POC1A: variants seen among roughly 807,000 people sequenced by gnomAD.
POC1A encodes the protein POC1 centriolar protein A, also known as POC1 centriolar protein homolog A.
A neutral mutation model predicts 47.8 loss-of-function variants in POC1A; 34 were observed. The observed-to-expected ratio is 0.71, with a 90% confidence interval of 0.54 to 0.95. POC1A has a LOEUF of 0.95. Among genes scored for constraint, POC1A ranks in the 40% least tolerant of loss-of-function variants. POC1A has a pLI of 0.00. For synonymous variants in POC1A, 177 were observed against 207.6 expected (o/e 0.85, Z 1.27); for missense variants, 466 against 528.3 (o/e 0.88, Z 1.16).
At position 52,126,188 on chromosome 3, in the gene POC1A, A is replaced by G. The variant is rs577139742; in HGVS notation, c.814-1007T>C. Among the ~76,000 whole-genome samples the G allele has an allele frequency of 2.6e-4, 39 of 152,332 alleles. No homozygotes were observed. In the South Asian group the frequency reaches 6.4e-3, roughly 25 times the overall value. ...AGTGCAGGGAGCGGCAAGAGCCCCAACTGCCCATGAGATGGGCTCTGGCAG... is the reference window on the plus strand; with the variant it reads ...AGTGCAGGGAGCGGCAAGAGCCCCAGCTGCCCATGAGATGGGCTCTGGCAG... On this transcript the variant is annotated intron_variant, in intron 7 of 10. Coordinates refer to ENST00000296484, the MANE Select transcript of POC1A (RefSeq NM_015426.5).
At chr3:52,122,526 C>T in intron 8 of POC1A, 49 bp from the exon 9 acceptor site, 1 of 1,174,394 alleles carries the variant, frequency 8.5e-7, no homozygotes, top group South Asian at 1.2e-5. Flanking sequence ...AATCCCCTTG[C>T]CAGTCCTTCA....
At chr3:52,078,354 C>A (rs1477652161) in intron 10 of POC1A, among the ~76,000 whole-genome samples, 3 of 151,754 alleles carry the variant, frequency 2.0e-5, no homozygotes, top group Non-Finnish European at 2.9e-5. Flanking sequence ...CTGTCTGGCA[C>A]TCTTTGCTCC....
At chr3:52,125,333 G>A in intron 7 of POC1A, 152 bp from the exon 8 acceptor site, 1 of 636,852 alleles carries the variant, frequency 1.6e-6, no homozygotes, top group Non-Finnish European at 2.7e-6. Flanking sequence ...CTGTAGCCCA[G>A]GAGCCTGCCT....
At chr3:52,149,685 G>A (rs937941019) in intron 3 of POC1A, 131 bp downstream of exon 3, 2 of 877,402 alleles carry the variant, frequency 2.3e-6, no homozygotes, top group Non-Finnish European at 3.5e-6. Flanking sequence ...AGCCTCTGAT[G>A]GCACCTCTTC....
chr3:52,104,750 C>A (rs558659500), intron 9 of POC1A, among the ~76,000 whole-genome samples: 40 of 152,336 alleles, frequency 2.6e-4, no homozygotes, highest in African/African-American at 9.4e-4. Flanking sequence ...ATTCCCAAAG[C>A]CCCAGTTTCC....
In POC1A at chr3:52,146,903, CT is replaced by C. The variant is rs1698382016; in HGVS notation, c.563+84del. ...GCTGCTGGTCCCACGGCTCCAGCCACTGAAGGCCACTGGGCCTCCTCATGCC... is the reference window on the plus strand; with the variant it reads ...GCTGCTGGTCCCACGGCTCCAGCCACGAAGGCCACTGGGCCTCCTCATGCC... On this transcript the variant is annotated intron_variant, in intron 5 of 10. Transcript: ENST00000296484. 5.4e-6 allele frequency: 6 copies of C among 1,115,554 alleles called. No individual in the cohort carries two copies. In the Admixed American group the frequency reaches 1.0e-4, roughly 19 times the overall value. 69.1% of individuals were successfully genotyped at this position (1,115,554 alleles called of 1,614,324 possible).
intron 9 of POC1A, among the ~76,000 whole-genome samples, chr3:52,099,253 T>C (rs945334837): frequency 2.0e-5 from 3 of 152,168 alleles, no homozygotes; most frequent in Non-Finnish European, 2.9e-5. Flanking sequence ...CCCCAATGTC[T>C]GCACTGCAGC....
chr3:52,132,914 C>T (rs1480702332), intron 7 of POC1A, among the ~76,000 whole-genome samples: 3 of 151,910 alleles, frequency 2.0e-5, no homozygotes, highest in Non-Finnish European at 2.9e-5. Flanking sequence ...GGCATGGTGG[C>T]GTGCACGTGT....
intron 9 of POC1A, among the ~76,000 whole-genome samples, chr3:52,119,537 G>A (rs1435117011): frequency 6.6e-6 from 1 of 152,036 alleles, no homozygotes; most frequent in Non-Finnish European, 1.5e-5. Flanking sequence ...TAGGACTACA[G>A]GGGAGTGCCA....
rs574875689 is a variant in POC1A, at chr3:52,151,216, T to C, written c.19-116A>G. On this transcript the variant is annotated intron_variant, in intron 1 of 10. Coordinates refer to ENST00000296484, the MANE Select transcript of POC1A (RefSeq NM_015426.5). ...AGGGTTAAAAATGCTCAAGGCATGA[T>C]CTTATATAAAGAAAATCCTAAGGAA... The C allele has an allele frequency of 2.2e-5, 32 of 1,467,072 alleles. No individual in the cohort carries two copies. The East Asian group carries it at 7.8e-4, about 36-fold the overall frequency. The allele number at this position is 1,467,072 out of a possible 1,614,324, so 90.9% of individuals were successfully genotyped here.
chr3:52,125,371 G>C (rs2107106538), intron 7 of POC1A, among the ~76,000 whole-genome samples, 190 bp from the exon 8 acceptor site: 1 of 152,280 alleles, frequency 6.6e-6, no homozygotes, highest in South Asian at 2.1e-4. Context: ...CCACCGCTCA[G>C]GCTTCTGTTC....
At chr3:52,103,967 G>A (rs2107007513) in intron 9 of POC1A, among the ~76,000 whole-genome samples, 1 of 152,266 alleles carries the variant, frequency 6.6e-6, no homozygotes, top group East Asian at 1.9e-4. Flanking sequence ...CCTATTATAT[G>A]TCCCAGCCAT....
At chr3:52,117,093 C>A (rs1703592454) in intron 9 of POC1A, among the ~76,000 whole-genome samples, 1 of 151,686 alleles carries the variant, frequency 6.6e-6, no homozygotes, top group Non-Finnish European at 1.5e-5. Context: ...GAGGCTGAGG[C>A]ACAAGAATCT....
intron 10 of POC1A, among the ~76,000 whole-genome samples, chr3:52,087,058 G>A (rs148454711): frequency 6.2e-4 from 94 of 152,360 alleles, no homozygotes; most frequent in African/African-American, 2.1e-3. Context: ...TCACCCCAGC[G>A]TGGGTCTTGG....
intron 9 of POC1A, among the ~76,000 whole-genome samples, chr3:52,121,520 G>C (rs745900614): frequency 1.3e-5 from 2 of 152,212 alleles, no homozygotes; most frequent in Non-Finnish European, 2.9e-5. Flanking sequence ...TGGGGAGATG[G>C]AGGGTCTATC....
intron 1 of POC1A, among the ~76,000 whole-genome samples, chr3:52,153,738 T>G (rs1194800099): frequency 6.6e-6 from 1 of 152,340 alleles, no homozygotes; most frequent in East Asian, 1.9e-4. Flanking sequence ...AGTACCAGAT[T>G]AGGAGTCAAA....
At chr3:52,136,776 G>T (rs758481931) in intron 7 of POC1A, among the ~76,000 whole-genome samples, 1 of 152,166 alleles carries the variant, frequency 6.6e-6, no homozygotes, top group African/African-American at 2.4e-5. Flanking sequence ...AATAGCTTTC[G>T]TTTATGTGCC....
Position 52,096,603 on chromosome 3 carries a change from T to A in POC1A, c.1091A>T (p.Glu364Val). ...GACATCCAGCTGGCCCACAATGTGC[T>A]CCAGCGTGCTAGTCAGTGTCTGGGG... ...SVPQTLTSTL[E>V]HIVGQLDVLT... The change falls in exon 10 of 11, where the codon GAG becomes GTG. Residue 364 changes from glutamate (E) to valine (V), a missense_variant. By Grantham distance (121) the Glu-to-Val change is moderately radical. Transcript: ENST00000296484. The A allele has an allele frequency of 1.9e-6, 3 of 1,606,698 alleles. No individual in the cohort carries two copies. Among genetic ancestry groups the A allele is most frequent in the Non-Finnish European group, 2.5e-6 (3 of 1,176,658 alleles).
At chr3:52,139,197 G>C (rs1200030392) in intron 6 of POC1A, among the ~76,000 whole-genome samples, 2 of 152,172 alleles carry the variant, frequency 1.3e-5, no homozygotes. Context: ...CTATGTGTAA[G>C]AGGTACTGTG....
Sources: allele counts gnomAD v4.1 joint callset (sites outside exome capture counted in the v4.1 genomes callset), GRCh38; gene constraint gnomAD v4.1.1; transcripts MANE v1.5; gene names NCBI Gene and HGNC (gene_info 2026-07-23, HGNC 2026-07-21).